NCOA3: variants seen among roughly 807,000 people sequenced by gnomAD.
The protein encoded by NCOA3 is CBP-interacting protein.
In NCOA3, 51 loss-of-function variants were observed where a neutral mutation model predicts 158.8. The ratio of observed to expected loss-of-function variants is 0.32; its 90% CI spans 0.26 to 0.41. NCOA3 has a LOEUF of 0.41. Ranked by LOEUF, NCOA3 falls within the 10% of genes least tolerant of loss-of-function variation. The pLI is 1.00. For missense variants in NCOA3, 1,510 were observed against 1,746.6 expected (o/e 0.86, Z 2.41); for synonymous variants, 537 against 592.4 (o/e 0.91, Z 1.36).
At chr20:47,506,369 C>T (rs1360239050) in intron 1 of NCOA3, among the ~76,000 whole-genome samples, 1 of 152,152 alleles carries the variant, frequency 6.6e-6, no homozygotes. Flanking sequence ...AATTTAATTG[C>T]CTTTCCCTTT....
chr20:47,514,395 C>CT (rs1387000328), intron 1 of NCOA3, among the ~76,000 whole-genome samples: 2 of 151,746 alleles, frequency 1.3e-5, no homozygotes, highest in Non-Finnish European at 2.9e-5. Flanking sequence ...TGTAACAAAT[C>CT]TTTTTTTATT....
intron 1 of NCOA3, among the ~76,000 whole-genome samples, chr20:47,540,010 A>G (rs2084697167): frequency 6.6e-6 from 1 of 152,228 alleles, no homozygotes; most frequent in Non-Finnish European, 1.5e-5. Flanking sequence ...GTTGGATATT[A>G]CTATCTTCAT....
At chr20:47,595,936 C>G (rs1258503630) in intron 2 of NCOA3, among the ~76,000 whole-genome samples, 1 of 152,106 alleles carries the variant, frequency 6.6e-6, no homozygotes, top group Non-Finnish European at 1.5e-5. Context: ...CAATACCTCA[C>G]TCAGATGTTA....
chr20:47,642,906 G>A (rs1283900014), intron 17 of NCOA3, among the ~76,000 whole-genome samples: 2 of 152,128 alleles, frequency 1.3e-5, no homozygotes, highest in Non-Finnish European at 2.9e-5. Context: ...GACACATTCT[G>A]TAGTGACTGT....
intron 17 of NCOA3, among the ~76,000 whole-genome samples, chr20:47,646,424 G>A (rs563971341): frequency 2.0e-5 from 3 of 152,132 alleles, no homozygotes; most frequent in Non-Finnish European, 1.5e-5. Flanking sequence ...AGCCTGCTTG[G>A]GGGGAAGGGC....
At chr20:47,567,083 C>T (rs1025683786) in intron 1 of NCOA3, among the ~76,000 whole-genome samples, 1 of 151,760 alleles carries the variant, frequency 6.6e-6, no homozygotes, top group Non-Finnish European at 1.5e-5. Flanking sequence ...GAGTCTTGCT[C>T]TGTCACCAGG....
At chr20:47,571,328 T>TC (rs1348714737) in intron 1 of NCOA3, among the ~76,000 whole-genome samples, 4 of 150,922 alleles carry the variant, frequency 2.7e-5, no homozygotes, top group Non-Finnish European at 5.9e-5. Context: ...TTCTTTTTTT[T>TC]TTTTTTTGAG....
At chr20:47,544,375 A>G (rs1047810423) in intron 1 of NCOA3, among the ~76,000 whole-genome samples, 1 of 140,254 alleles carries the variant, frequency 7.1e-6, no homozygotes, top group Non-Finnish European at 1.5e-5. Flanking sequence ...CCAGGCTGGA[A>G]TGCAGTTGTG....
intron 1 of NCOA3, among the ~76,000 whole-genome samples, chr20:47,562,805 C>T (rs1358885645): frequency 6.6e-6 from 1 of 152,106 alleles, no homozygotes; most frequent in East Asian, 1.9e-4. Context: ...CTAAATTCTT[C>T]TTTTTCTTCT....
chr20:47,637,558 C>T (rs1602524770), intron 12 of NCOA3, 90 bp from the exon 13 acceptor site: 1 of 1,093,500 alleles, frequency 9.1e-7, no homozygotes, highest in Non-Finnish European at 1.2e-6. Context: ...TTACTTGCTT[C>T]TATTTCATGT....
In NCOA3 at chr20:47,655,177, T is replaced by G. The variant is rs1321151517; in HGVS notation, c.*1760T>G. The G allele has an allele frequency of 6.6e-6, 1 of 152,186 alleles. No homozygotes were observed. Among genetic ancestry groups the G allele is most frequent in the Non-Finnish European group, 1.5e-5 (1 of 68,034 alleles). The allele number at this position is 152,186 out of a possible 1,614,324, so 9.4% of individuals were successfully genotyped here. ...CCCTCCCTCTTCTGCCCCCTACCAC[T>G]TTTCTGCTGTTGCCTCTCTTTGACA... On this transcript the variant is annotated 3_prime_UTR_variant, in exon 23 of 23. Transcript: ENST00000371998.
At chr20:47,638,059 G>A (rs970104708) in intron 13 of NCOA3, among the ~76,000 whole-genome samples, 5 of 152,108 alleles carry the variant, frequency 3.3e-5, no homozygotes, top group African/African-American at 1.2e-4. Context: ...TTCCAGGTGA[G>A]TACTGTAGGT....
At chr20:47,639,429 A>T in intron 14 of NCOA3, 148 bp from the exon 15 acceptor site, 1 of 1,133,468 alleles carries the variant, frequency 8.8e-7, no homozygotes, top group Non-Finnish European at 1.3e-6. Flanking sequence ...ATAGTGGCCT[A>T]TGTCTCCACA....
At chr20:47,643,857 G>A (rs1484461999) in intron 17 of NCOA3, among the ~76,000 whole-genome samples, 2 of 150,652 alleles carry the variant, frequency 1.3e-5, no homozygotes, top group African/African-American at 4.9e-5. Flanking sequence ...GGCATCTAGT[G>A]TGGCCACTGA....
Position 47,636,629 on chromosome 20 carries a change from G to A in NCOA3, c.2243G>A (p.Ser748Asn). The change falls in exon 12 of 23, where the codon AGT becomes AAT. Residue 748 changes from serine to asparagine, a missense_variant. Physicochemically the swap from Ser to Asn is conservative, Grantham distance 46. This residue lies in a region of NCOA3 where 1,017 missense variants were observed against 1,098.3 expected (regional missense o/e 0.93). Transcript: ENST00000371998. Reference sequence around the variant, plus strand: ...TACCTGCTGGACAGGGATGATCCTAGTGATGCACTCTCTAAAGAACTACAG... The same window carrying A: ...TACCTGCTGGACAGGGATGATCCTAATGATGCACTCTCTAAAGAACTACAG... ...LRYLLDRDDP[S>N]DALSKELQPQ... is the part of the protein sequence containing the mutation. 2 of 1,614,196 alleles carry A rather than the reference G, an allele frequency of 1.2e-6. No homozygotes were observed. Among genetic ancestry groups the A allele is most frequent in the Non-Finnish European group, 8.5e-7 (1 of 1,180,034 alleles).
intron 1 of NCOA3, among the ~76,000 whole-genome samples, chr20:47,532,876 G>T (rs1457361161): frequency 6.6e-6 from 1 of 151,858 alleles, no homozygotes; most frequent in Admixed American, 6.6e-5. Context: ...GGCTGAGGCG[G>T]GCGGATCACT....
At chr20:47,505,002 G>GTTTTTTTTTTTT (rs2084003938) in intron 1 of NCOA3, among the ~76,000 whole-genome samples, 2 of 8,556 alleles carry the variant, frequency 2.3e-4, no homozygotes, top group African/African-American at 3.8e-4. Flanking sequence ...TTGGGTTTTT[G>GTTTTTTTTTTTT]GTTTTTTTTT....
chr20:47,538,619 C>T (rs1236153415), intron 1 of NCOA3, among the ~76,000 whole-genome samples: 1 of 152,022 alleles, frequency 6.6e-6, no homozygotes, highest in Non-Finnish European at 1.5e-5. Context: ...CTCACTGCAA[C>T]CTCTGCCTCC....
chr20:47,511,102 T>C (rs1373211103), intron 1 of NCOA3, among the ~76,000 whole-genome samples: 1 of 152,044 alleles, frequency 6.6e-6, no homozygotes, highest in Non-Finnish European at 1.5e-5. Flanking sequence ...GGTACTCATA[T>C]CACTTCAGTA....
Sources: gnomAD v4.1 joint callset for allele counts (sites outside exome capture counted in the v4.1 genomes callset) on GRCh38, gnomAD v4.1.1 for gene constraint, gnomAD v4.1.1 regional missense constraint, MANE v1.5 for transcripts, NCBI Gene and HGNC (gene_info 2026-07-23, HGNC 2026-07-21) for gene names.